PKIB: variants seen among roughly 807,000 people sequenced by gnomAD.
PKIB encodes cAMP-dependent protein kinase inhibitor beta.
PKIB carries 2 observed loss-of-function variants against 4.5 expected under a neutral mutation model. The ratio of observed to expected loss-of-function variants is 0.44; its 90% CI spans 0.18 to 1.39. PKIB has a LOEUF of 1.39. Ranked by LOEUF, PKIB falls within the 40% of genes most tolerant of loss-of-function variation. PKIB has a pLI of 0.27. For missense variants in PKIB, 94 were observed against 92.6 expected (o/e 1.02, Z -0.06); for synonymous variants, 38 against 36.0 (o/e 1.06, Z -0.20).
intron 1 of PKIB, among the ~76,000 whole-genome samples, chr6:122,612,558 T>A (rs1774805859): frequency 6.6e-6 from 1 of 152,194 alleles, no homozygotes; most frequent in African/African-American, 2.4e-5. Flanking sequence ...ATATGGTCTT[T>A]TGCTTATGGC....
intron 3 of PKIB, among the ~76,000 whole-genome samples, chr6:122,710,082 C>T (rs1359295099): frequency 2.0e-5 from 3 of 151,994 alleles, no homozygotes; most frequent in Non-Finnish European, 4.4e-5. Flanking sequence ...AGCTCATAAT[C>T]GATAGGTATC....
chr6:122,485,652 A>G (rs1290725776), intron 2 of PKIB, among the ~76,000 whole-genome samples: 1 of 148,392 alleles, frequency 6.7e-6, no homozygotes, highest in Non-Finnish European at 1.5e-5. Flanking sequence ...TCCAATTCAA[A>G]ACTAGAAGAG....
In PKIB at chr6:122,626,100, A is replaced by ATAGATAGATAGATAGAGG. The variant is rs1775433014; in HGVS notation, c.-160-7178_-160-7177insAGATAGATAGAGGTAGAT. 1.6e-4 allele frequency among the ~76,000 whole-genome samples: 25 copies of ATAGATAGATAGATAGAGG among 151,682 alleles called. No individual in the cohort carries two copies. In the South Asian group the frequency reaches 5.0e-3, roughly 30 times the overall value. ...TAGATAGATAGATAGATAGATAGAG[A>ATAGATAGATAGATAGAGG]TAGATTAGAAGTCAATGAAATGAAA... On this transcript the variant is annotated intron_variant, in intron 1 of 4. Transcript: ENST00000368452.
chr6:122,541,510 C>T (rs1777600571), intron 2 of PKIB, among the ~76,000 whole-genome samples: 1 of 151,898 alleles, frequency 6.6e-6, no homozygotes, highest in African/African-American at 2.4e-5. Flanking sequence ...GAATATTGGC[C>T]CCCACTCTCT....
At chr6:122,567,631 A>G (rs1397698937) in intron 2 of PKIB, among the ~76,000 whole-genome samples, 1 of 152,256 alleles carries the variant, frequency 6.6e-6, no homozygotes, top group Non-Finnish European at 1.5e-5. Context: ...CTATTAAATG[A>G]AAAAAGCAAC....
At chr6:122,485,210 C>T (rs34110816) in intron 2 of PKIB, among the ~76,000 whole-genome samples, 28 of 141,464 alleles carry the variant, frequency 2.0e-4, no homozygotes, top group South Asian at 4.5e-4. Context: ...CAAAAATATT[C>T]TTTTTTTTTT....
intron 2 of PKIB, among the ~76,000 whole-genome samples, chr6:122,572,321 A>G (rs557621044): frequency 6.6e-6 from 1 of 152,214 alleles, no homozygotes; most frequent in African/African-American, 2.4e-5. Context: ...TCTAAAAGCA[A>G]CTCACCCTCC....
intron 2 of PKIB, among the ~76,000 whole-genome samples, chr6:122,503,499 A>G (rs1776307546): frequency 6.6e-6 from 1 of 152,214 alleles, no homozygotes; most frequent in South Asian, 2.1e-4. Context: ...GACTGAGTCC[A>G]GGGATTTAAA....
At chr6:122,528,777 A>C (rs946850647) in intron 2 of PKIB, among the ~76,000 whole-genome samples, 5 of 152,168 alleles carry the variant, frequency 3.3e-5, no homozygotes, top group African/African-American at 1.2e-4. Context: ...TTGTAGTCCT[A>C]GCTACTTGGG....
chr6:122,480,192 G>T (rs560442360), intron 2 of PKIB: 1 of 152,044 alleles, frequency 6.6e-6, no homozygotes, highest in Non-Finnish European at 1.5e-5. Context: ...ACAGGCGCCC[G>T]CCACCACGCC....
chr6:122,540,361 A>T (rs1777555531), intron 2 of PKIB, among the ~76,000 whole-genome samples: 1 of 151,778 alleles, frequency 6.6e-6, no homozygotes, highest in East Asian at 1.9e-4. Context: ...AATGTGTCCC[A>T]GAGATTCTGG....
chr6:122,695,633 T>C (rs1778540932), intron 3 of PKIB, among the ~76,000 whole-genome samples: 1 of 151,986 alleles, frequency 6.6e-6, no homozygotes. Context: ...AGGTGACTTT[T>C]AGGTGACTTC....
chr6:122,667,676 G>GA (rs550441910), intron 2 of PKIB, among the ~76,000 whole-genome samples: 1 of 152,114 alleles, frequency 6.6e-6, no homozygotes, highest in Non-Finnish European at 1.5e-5. Flanking sequence ...AATAGTTATG[G>GA]AAAAAAATTA....
intron 2 of PKIB, 142 bp from the exon 3 acceptor site, chr6:122,674,936 C>G (rs575472705): frequency 6.6e-6 from 1 of 152,236 alleles, no homozygotes; most frequent in South Asian, 2.1e-4. Flanking sequence ...ATTAGAGGTT[C>G]GGCTTTTCCC....
Position 122,596,214 on chromosome 6 carries a change from A to C in PKIB, c.-161+10207A>C, listed in dbSNP as rs2566820. Among the ~76,000 whole-genome samples the C allele has an allele frequency of 7.5e-3, 1,144 of 152,236 alleles. 11 individuals are homozygous for C. The highest frequency in any genetic ancestry group is 9.3e-3 in the Non-Finnish European group (635 of 68,014). On this transcript the variant is annotated intron_variant, in intron 3 of 6. Coordinates refer to the PKIB transcript ENST00000392491. The stretch of plus-strand genomic sequence containing the variant: ...AGGGATGTCCTAGAAAGGGGCTCTA[A>C]TGCTACAGCTGTCCACTTACGGGTG...
At chr6:122,550,478 A>G (rs1446844151) in intron 2 of PKIB, among the ~76,000 whole-genome samples, 1 of 152,216 alleles carries the variant, frequency 6.6e-6, no homozygotes, top group African/African-American at 2.4e-5. Flanking sequence ...TAATGTTTTA[A>G]CATCAATGAT....
intron 2 of PKIB, among the ~76,000 whole-genome samples, chr6:122,537,414 G>T (rs1428625292): frequency 2.0e-5 from 3 of 152,166 alleles, no homozygotes; most frequent in East Asian, 3.9e-4. Flanking sequence ...AGAACATGCG[G>T]TTTTTTGTGA....
At chr6:122,619,072 C>A (rs1245517306) in intron 1 of PKIB, among the ~76,000 whole-genome samples, 3 of 151,940 alleles carry the variant, frequency 2.0e-5, no homozygotes, top group African/African-American at 4.8e-5. Flanking sequence ...ATTTTATATT[C>A]TTTGCCTGTT....
intron 2 of PKIB, among the ~76,000 whole-genome samples, chr6:122,503,587 C>A (rs1249812995): frequency 6.6e-6 from 1 of 152,076 alleles, no homozygotes; most frequent in Non-Finnish European, 1.5e-5. Context: ...TCTTCCATGA[C>A]CACAAGCTTC....
Sources: allele counts gnomAD v4.1 joint callset (sites outside exome capture counted in the v4.1 genomes callset), GRCh38; gene constraint gnomAD v4.1.1; transcripts MANE v1.5; gene names NCBI Gene and HGNC (gene_info 2026-07-23, HGNC 2026-07-21).